The following RHCE variants were observed in gnomAD, a reference collection of about 807,000 sequenced individuals.
RHCE encodes Rh blood group CcEe antigens, also known as blood group Rh(CE) polypeptide.
In RHCE, 22 loss-of-function variants were observed where a neutral mutation model predicts 43.8. That is an observed-to-expected ratio of 0.50 (90% confidence interval 0.36 to 0.72). The LOEUF (loss-of-function observed/expected upper bound fraction) is 0.72. RHCE is among the 30% of genes least tolerant of loss of function. The pLI, the probability that RHCE is intolerant of heterozygous loss-of-function variation, is 0.00. For missense variants in RHCE, 385 were observed against 525.4 expected (o/e 0.73, Z 2.61); for synonymous variants, 156 against 210.7 (o/e 0.74, Z 2.25).
chr1:25,422,362 C>G (rs1038727381), upstream of RHCE, among the ~76,000 whole-genome samples: 9 of 152,200 alleles, frequency 5.9e-5, no homozygotes, highest in Admixed American at 5.9e-4. Flanking sequence ...AGTTATATAA[C>G]AGCATGTACA....
chr1:25,389,260 G>C, intron 5 of RHCE, 147 bp from the exon 6 acceptor site: 1 of 1,415,980 alleles, frequency 7.1e-7, no homozygotes, highest in African/African-American at 1.4e-5. Context: ...CCTGTGTTGG[G>C]GCTACGTGTC....
chr1:25,397,708 A>C (rs1395438120), intron 3 of RHCE, among the ~76,000 whole-genome samples: 2 of 149,746 alleles, frequency 1.3e-5, no homozygotes, highest in African/African-American at 4.9e-5. Context: ...ATCTTAGTCC[A>C]CCCAACTCCT....
At chr1:25,373,279 A>T (rs974594860) in intron 8 of RHCE, among the ~76,000 whole-genome samples, 1 of 151,682 alleles carries the variant, frequency 6.6e-6, no homozygotes, top group Non-Finnish European at 1.5e-5. Context: ...ACCACTTCGA[A>T]TATACCAGTG....
At chr1:25,381,361 T>C (rs921266168) in intron 7 of RHCE, among the ~76,000 whole-genome samples, 3 of 152,184 alleles carry the variant, frequency 2.0e-5, no homozygotes, top group African/African-American at 7.2e-5. Context: ...TCAGTAACCA[T>C]TAAGAAGTTC....
chr1:25,390,110 C>T (rs1276028298), intron 5 of RHCE, among the ~76,000 whole-genome samples: 2 of 152,144 alleles, frequency 1.3e-5, no homozygotes, highest in Non-Finnish European at 2.9e-5. Context: ...GCTGGACCCC[C>T]TGCCCCCATC....
intron 7 of RHCE, among the ~76,000 whole-genome samples, chr1:25,383,431 C>T (rs1646058661): frequency 6.6e-6 from 1 of 152,174 alleles, no homozygotes; most frequent in Non-Finnish European, 1.5e-5. Flanking sequence ...AGAGATGTCC[C>T]CATACTGATG....
At position 25,385,806 on chromosome 1, in the gene RHCE, G is replaced by C. The variant is rs758122000; in HGVS notation, c.978C>G (p.Ser326=). 1.2e-6 allele frequency: 2 copies of C among 1,613,896 alleles called. No homozygotes were observed. The highest frequency in any genetic ancestry group is 1.3e-5 in the African/African-American group (1 of 74,870). The change falls in exon 7 of 10, where the codon TCC becomes TCG. Residue 326 remains serine (S), a synonymous_variant. Coordinates refer to ENST00000294413, the MANE Select transcript of RHCE (RefSeq NM_020485.8). ...CNRVLGIHHI[S]VMHSIFSLLG... is the part of the protein sequence containing the mutation. ...GCAAGCTGAAGATGGAGTGCATGACGGAGATGTGGTGAATCCCCAGCACTC... is the reference window on the plus strand; with the variant it reads ...GCAAGCTGAAGATGGAGTGCATGACCGAGATGTGGTGAATCCCCAGCACTC...
At chr1:25,392,983 G>A (rs540435095) in intron 3 of RHCE, among the ~76,000 whole-genome samples, 5 of 152,258 alleles carry the variant, frequency 3.3e-5, no homozygotes, top group African/African-American at 1.2e-4. Flanking sequence ...GGAGTGATGA[G>A]TGATATAAAT....
At chr1:25,392,926 C>T (rs1646425547) in intron 3 of RHCE, among the ~76,000 whole-genome samples, 1 of 152,126 alleles carries the variant, frequency 6.6e-6, no homozygotes, top group Non-Finnish European at 1.5e-5. Context: ...CCCACATGGA[C>T]ACGCACTTCA....
chr1:25,392,109 G>A lies in RHCE; in HGVS notation c.519C>T (p.Tyr173=), dbSNP rs368228913. ...TDYHMNLRHF[Y]VFAAYFGLTV... ...TCAGCCCAAAATAGGCTGCGAACAC[G>A]TAGAAGTGCCTCAGGTTCATGTGGT... The change falls in exon 4 of 10, where the codon TAC becomes TAT. Residue 173 remains tyrosine (Y), a synonymous_variant. Coordinates refer to ENST00000294413, the MANE Select transcript of RHCE (RefSeq NM_020485.8). The A allele has an allele frequency of 2.6e-4, 416 of 1,614,070 alleles. No individual in the cohort carries two copies. The highest frequency in any genetic ancestry group is 3.4e-4 in the Non-Finnish European group (405 of 1,180,038).
rs765775130 is a variant in RHCE at position 25,394,488 on chromosome 1, G to A, written c.487-2347C>T. 6.6e-5 allele frequency among the ~76,000 whole-genome samples: 10 copies of A among 152,016 alleles called. No individual in the cohort carries two copies. In the South Asian group the frequency reaches 8.3e-4, roughly 13 times the overall value. On this transcript the variant is annotated intron_variant, in intron 3 of 9. Transcript: ENST00000294413. ...CCCCTGGCCACCCCCTCAAACAGTT[G>A]TCCTCTCTCCCCAACTTTTCGTGTT...
At chr1:25,386,623 C>T (rs1468772292) in intron 6 of RHCE, among the ~76,000 whole-genome samples, 2 of 152,194 alleles carry the variant, frequency 1.3e-5, no homozygotes, top group African/African-American at 4.8e-5. Context: ...GAGTTCAAGA[C>T]CAGCATGGCC....
intron 1 of RHCE, among the ~76,000 whole-genome samples, chr1:25,418,287 A>G (rs945383727): frequency 1.3e-5 from 2 of 151,952 alleles, no homozygotes; most frequent in South Asian, 4.2e-4. Flanking sequence ...TTGGCCTCCC[A>G]AAGTGTTTGG....
intron 3 of RHCE, chr1:25,399,047 A>C: frequency 6.2e-7 from 1 of 1,602,338 alleles, no homozygotes; most frequent in Non-Finnish European, 8.5e-7. Context: ...GCCTTGGACA[A>C]GTTGTTACTG....
At chr1:25,416,891 C>T (rs1202776793) in intron 1 of RHCE, among the ~76,000 whole-genome samples, 1 of 149,296 alleles carries the variant, frequency 6.7e-6, no homozygotes, top group Non-Finnish European at 1.5e-5. Flanking sequence ...CCCACTTGGC[C>T]TCCCTAAGTG....
At chr1:25,372,239 G>A (rs1291352835) in intron 8 of RHCE, among the ~76,000 whole-genome samples, 1 of 151,650 alleles carries the variant, frequency 6.6e-6, no homozygotes, top group Non-Finnish European at 1.5e-5. Context: ...GAATTTGTTG[G>A]CCGGGCACAG....
upstream of RHCE, chr1:25,421,016 G>C: frequency 1.8e-6 from 1 of 567,362 alleles, no homozygotes. Context: ...CATTCAACAA[G>C]TTGCTGTGTT....
intron 7 of RHCE, among the ~76,000 whole-genome samples, chr1:25,382,451 G>GA (rs1646029201): frequency 1.4e-5 from 2 of 139,874 alleles, no homozygotes. Flanking sequence ...TATAAGTTGG[G>GA]TTTTTTTTTT....
At chr1:25,405,953 G>T (rs1646902726) in intron 2 of RHCE, among the ~76,000 whole-genome samples, 1 of 122,860 alleles carries the variant, frequency 8.1e-6, no homozygotes, top group African/African-American at 2.5e-5. Flanking sequence ...TTCAGCAGGG[G>T]TCACCCCTAG....
Sources: gnomAD v4.1 joint callset for allele counts (sites outside exome capture counted in the v4.1 genomes callset) on GRCh38, gnomAD v4.1.1 for gene constraint, MANE v1.5 for transcripts, NCBI Gene and HGNC (gene_info 2026-07-23, HGNC 2026-07-21) for gene names.